The following ZNF226 variants were observed in gnomAD, a reference collection of about 807,000 sequenced individuals.
ZNF226 encodes the protein zinc finger protein 226.
In ZNF226, 6 loss-of-function variants were observed where a neutral mutation model predicts 11.4. The ratio of observed to expected loss-of-function variants is 0.53; its 90% CI spans 0.29 to 1.04. ZNF226 has a LOEUF of 1.04. ZNF226 is among the 50% of genes least tolerant of loss of function. The probability of loss-of-function intolerance (pLI) is 0.08; values close to 1 mark genes in which losing one functional copy is unlikely to be tolerated. For synonymous variants in ZNF226, 350 were observed against 322.8 expected (o/e 1.08, Z -0.90); for missense variants, 1,058 against 956.5 (o/e 1.11, Z -1.40).
Position 44,175,581 on chromosome 19 carries a change from A to G in ZNF226, c.319A>G (p.Ile107Val). The change falls in exon 6 of 6, where the codon ATT (isoleucine) becomes GTT (valine). Residue 107 changes from isoleucine to valine, a missense_variant. Physicochemically the swap from Ile to Val is conservative, Grantham distance 29. Coordinates refer to ENST00000337433, the MANE Select transcript of ZNF226 (RefSeq NM_001032373.2). ...TTCTTGTTGGCAAATCTGGCAACAA[A>G]TTGCAAATGACTTAACCAGGTGTCA... ...ELSCWQIWQQ[I>V]ANDLTRCQDS... 1.9e-6 allele frequency: 3 copies of G among 1,613,080 alleles called. No homozygotes were observed. Among genetic ancestry groups the G allele is most frequent in the Non-Finnish European group, 2.5e-6 (3 of 1,179,656 alleles).
Position 44,177,628 on chromosome 19 carries a change from G to A in ZNF226, c.2366G>A (p.Gly789Asp), listed in dbSNP as rs1189487705. The A allele has an allele frequency of 1.9e-6, 3 of 1,611,028 alleles. No homozygotes were observed. Among genetic ancestry groups the A allele is most frequent in the Non-Finnish European group, 2.5e-6 (3 of 1,178,704 alleles). ...GDKSYKSNRGGKNIRESTQEK... is the reference protein window; with the variant it reads ...GDKSYKSNRGDKNIRESTQEK... ...AAATCCTATAAAAGTAATAGGGGTG[G>A]TAAGAACATCAGAGAATCCACACAG... Residue 789 changes from glycine to aspartate, a missense_variant, in exon 6 of 6, where the codon GGT becomes GAT. Gly to Asp is a moderately conservative substitution (Grantham distance 94). Transcript: ENST00000337433.
chr19:44,177,761 TG>T, downstream of ZNF226: 3 of 1,393,578 alleles, frequency 2.2e-6, no homozygotes, highest in Non-Finnish European at 2.9e-6. Flanking sequence ...CATGTCCCAG[TG>T]GTCCAAAGAC....
At chr19:44,185,080 G>A in the ZNF226 span, among the ~76,000 whole-genome samples, 6 of 152,278 alleles carry the variant, frequency 3.9e-5, no homozygotes, top group Admixed American at 6.5e-5. Context: ...GATTAATGTC[G>A]TGCCATGTGG....
chr19:44,166,491 C>T (rs1271630987), intron 2 of ZNF226, among the ~76,000 whole-genome samples: 1 of 152,098 alleles, frequency 6.6e-6, no homozygotes, highest in African/African-American at 2.4e-5. Context: ...CTGAGCAAGA[C>T]TCTGTCTCAA....
At chr19:44,182,902 A>G (rs549700873), downstream of ZNF226, among the ~76,000 whole-genome samples, 1 of 152,282 alleles carries the variant, frequency 6.6e-6, no homozygotes, top group African/African-American at 2.4e-5. Context: ...CTTGATTTGA[A>G]TAAGTGGAAA....
rs192619069 is a variant in ZNF226 at position 44,170,052 on chromosome 19, C to T, written c.-29C>T. On this transcript the variant is annotated 5_prime_UTR_variant, in exon 3 of 6. Coordinates refer to ENST00000337433, the MANE Select transcript of ZNF226 (RefSeq NM_001032373.2). Reference sequence around the variant, plus strand: ...TTTCCTAGTTCAGCTTCTTAGGACTCTGCACTTCCCCAGAAGGAAGAATTA... The same window carrying T: ...TTTCCTAGTTCAGCTTCTTAGGACTTTGCACTTCCCCAGAAGGAAGAATTA... The T allele has an allele frequency of 6.2e-7, 1 of 1,607,256 alleles. No homozygotes were observed. Among genetic ancestry groups the T allele is most frequent in the East Asian group, 2.2e-5 (1 of 44,794 alleles).
chr19:44,192,367 A>C, the ZNF226 span, among the ~76,000 whole-genome samples: 1 of 152,158 alleles, frequency 6.6e-6, no homozygotes, highest in Non-Finnish European at 1.5e-5. Flanking sequence ...AGCTGACTCC[A>C]AAGTTGAGGG....
chr19:44,187,725 T>C, the ZNF226 span, among the ~76,000 whole-genome samples: 1 of 152,232 alleles, frequency 6.6e-6, no homozygotes, highest in African/African-American at 2.4e-5. The surrounding 1 kb of genome is among the most constrained non-coding windows in gnomAD (Gnocchi z 4.0). Context: ...AGGTTGTTGA[T>C]TTGAGATATT....
At chr19:44,184,579 TAA>T in the ZNF226 span, among the ~76,000 whole-genome samples, 7 of 143,998 alleles carry the variant, frequency 4.9e-5, no homozygotes, top group African/African-American at 1.6e-4. Context: ...GAGACTCCAT[TAA>T]AAAAAAAAAA....
At chr19:44,184,694 C>T in the ZNF226 span, among the ~76,000 whole-genome samples, 2 of 152,076 alleles carry the variant, frequency 1.3e-5, no homozygotes, top group Non-Finnish European at 2.9e-5. Flanking sequence ...AGGGAAGAGA[C>T]ACAATGACTA....
In ZNF226 at chr19:44,176,775, T is replaced by A. The variant is rs749664996; in HGVS notation, c.1513T>A (p.Cys505Ser). The change falls in exon 6 of 6, where the codon TGC becomes AGC. Residue 505 changes from cysteine (C) to serine (S), a missense_variant. Physicochemically the swap from Cys to Ser is moderately radical, Grantham distance 112. Transcript: ENST00000337433. ...RVHTGEKPYK[C>S]NECGKSFRRN... Reference sequence around the variant, plus strand: ...CCACACTGGAGAGAAGCCATACAAATGCAATGAGTGTGGGAAGAGCTTCAG... The same window carrying A: ...CCACACTGGAGAGAAGCCATACAAAAGCAATGAGTGTGGGAAGAGCTTCAG... The A allele has an allele frequency of 6.2e-7, 1 of 1,613,998 alleles. No individual in the cohort carries two copies. Among genetic ancestry groups the A allele is most frequent in the Non-Finnish European group, 8.5e-7 (1 of 1,179,996 alleles).
chr19:44,177,707 T>C (rs1568575750), downstream of ZNF226: 1 of 1,535,472 alleles, frequency 6.5e-7, no homozygotes, highest in South Asian at 1.3e-5. Flanking sequence ...TTTGAATTCT[T>C]CCAGTTATCA....
chr19:44,171,482 A>G (rs1970086961), intron 3 of ZNF226, among the ~76,000 whole-genome samples: 1 of 152,114 alleles, frequency 6.6e-6, no homozygotes, highest in Admixed American at 6.5e-5. Context: ...GTAGGAAAGG[A>G]TTTGCCAAGC....
chr19:44,165,550 T>G (rs1370719046), intron 1 of ZNF226: 1 of 152,220 alleles, frequency 6.6e-6, no homozygotes. Context: ...TAAAACTGCC[T>G]GGCACGTGAA....
At chr19:44,181,086 A>C (rs1259495406), downstream of ZNF226, among the ~76,000 whole-genome samples, 1 of 152,172 alleles carries the variant, frequency 6.6e-6, no homozygotes, top group African/African-American at 2.4e-5. Context: ...TGAACTATCA[A>C]GTTTCAACTC....
At chr19:44,172,467 TATTGA>T (rs1970215776) in intron 4 of ZNF226, 1 of 413,100 alleles carries the variant, frequency 2.4e-6, no homozygotes, top group Non-Finnish European at 4.2e-6. Flanking sequence ...CCTGTCCCAG[TATTGA>T]ATTATAAAAC....
At chr19:44,166,900 T>TA (rs1044122682) in intron 2 of ZNF226, 1 of 152,166 alleles carries the variant, frequency 6.6e-6, no homozygotes, top group Non-Finnish European at 1.5e-5. Flanking sequence ...AGATGCATGT[T>TA]AAAGTTTGAG....
Position 44,177,042 on chromosome 19 carries a change from A to G in ZNF226, c.1780A>G (p.Lys594Glu). The G allele has an allele frequency of 1.9e-6, 3 of 1,614,156 alleles. No homozygotes were observed. Among genetic ancestry groups the G allele is most frequent in the Non-Finnish European group, 2.5e-6 (3 of 1,180,016 alleles). The part of the protein sequence containing the change: ...EKPYKCEECG[K>E]GFSRRADLKI... ...ACCATACAAATGTGAAGAGTGTGGC[A>G]AGGGATTTAGTCGTAGAGCAGATCT... The change falls in exon 6 of 6, where the codon AAG becomes GAG. Residue 594 changes from lysine (K) to glutamate (E), a missense_variant. Transcript: ENST00000337433.
Position 44,176,737 on chromosome 19 carries a change from C to G in ZNF226, c.1475C>G (p.Ala492Gly). The G allele has an allele frequency of 1.9e-6, 3 of 1,613,508 alleles. No individual in the cohort carries two copies. The highest frequency in any genetic ancestry group is 2.5e-6 in the Non-Finnish European group (3 of 1,179,878). Residue 492 changes from alanine (A) to glycine (G), a missense_variant, in exon 6 of 6, where the codon GCC (alanine) becomes GGC (glycine). Transcript: ENST00000337433. ...TTTACTCTGAGTTCAAATCTTCAAG[C>G]CCATCAGAGAGTCCACACTGGAGAG... ...KGFTLSSNLQ[A>G]HQRVHTGEKP...
Sources: gnomAD v4.1 joint callset for allele counts (sites outside exome capture counted in the v4.1 genomes callset) on GRCh38, gnomAD v4.1.1 for gene constraint, Gnocchi (gnomAD v3.1) non-coding constraint, MANE v1.5 for transcripts, NCBI Gene and HGNC (gene_info 2026-07-23, HGNC 2026-07-21) for gene names.